Variants in PLA2G5 observed in about 807,000 individuals in gnomAD.
The protein encoded by PLA2G5 is phospholipase A2 group V.
PLA2G5 carries 12 observed loss-of-function variants against 15.9 expected under a neutral mutation model. The ratio of observed to expected loss-of-function variants is 0.76; its 90% CI spans 0.48 to 1.23. The LOEUF is 1.23. PLA2G5 is among the 50% of genes most tolerant of loss of function. The probability of loss-of-function intolerance (pLI) is 0.00; values close to 1 mark genes in which losing one functional copy is unlikely to be tolerated. For missense variants in PLA2G5, 169 were observed against 177.1 expected (o/e 0.95, Z 0.26); for synonymous variants, 71 against 71.4 (o/e 0.99, Z 0.03).
intron 1 of PLA2G5, among the ~76,000 whole-genome samples, chr1:20,044,696 T>G (rs571580583): frequency 1.1e-3 from 175 of 152,178 alleles, no homozygotes; most frequent in Admixed American, 2.6e-3. Context: ...GGAATGAAAC[T>G]GTAAGCCAGA....
chr1:20,062,750 T>C (rs540468512), intron 2 of PLA2G5, among the ~76,000 whole-genome samples: 1 of 152,294 alleles, frequency 6.6e-6, no homozygotes, highest in East Asian at 1.9e-4. Context: ...AGGGGCGCTG[T>C]CAATGTGTGT....
intron 1 of PLA2G5, 104 bp from the exon 2 acceptor site, chr1:20,084,717 G>T: frequency 1.3e-6 from 1 of 778,380 alleles, no homozygotes; most frequent in Admixed American, 1.9e-5. Flanking sequence ...CACCATGACG[G>T]GGAGTGGAAT....
upstream of PLA2G5, among the ~76,000 whole-genome samples, chr1:20,068,013 G>A (rs978763973): frequency 1.3e-5 from 2 of 152,092 alleles, no homozygotes; most frequent in African/African-American, 2.4e-5. Context: ...CAGCTTCTCC[G>A]GAGGCTAAGG....
chr1:20,081,665 T>A (rs1185527724), intron 1 of PLA2G5, among the ~76,000 whole-genome samples: 5 of 151,654 alleles, frequency 3.3e-5, no homozygotes, highest in Non-Finnish European at 7.4e-5. Flanking sequence ...AAACCTTGGC[T>A]TGGAGTGTGA....
chr1:20,039,632 A>G (rs1363119923), intron 1 of PLA2G5, among the ~76,000 whole-genome samples: 1 of 152,190 alleles, frequency 6.6e-6, no homozygotes, highest in Non-Finnish European at 1.5e-5. Flanking sequence ...AACATTTCCT[A>G]TAAATAGGAA....
chr1:20,052,617 C>A (rs2014228310), intron 1 of PLA2G5, among the ~76,000 whole-genome samples: 1 of 152,158 alleles, frequency 6.6e-6, no homozygotes. Flanking sequence ...TAACTTCGGA[C>A]CTACTCATCC....
chr1:20,087,532 GT>G (rs567461307), intron 3 of PLA2G5, among the ~76,000 whole-genome samples: 26 of 126,244 alleles, frequency 2.1e-4, no homozygotes, highest in Non-Finnish European at 2.4e-4. Flanking sequence ...TAGCATATAC[GT>G]TTTTTTTTTA....
At chr1:20,068,920 T>A (rs1462888188), upstream of PLA2G5, 2 of 1,288,770 alleles carry the variant, frequency 1.6e-6, no homozygotes, top group East Asian at 1.1e-4. Context: ...TACGTCCTTC[T>A]CCAACACAGC....
chr1:20,050,916 G>A (rs2014148850), intron 1 of PLA2G5, among the ~76,000 whole-genome samples: 1 of 151,962 alleles, frequency 6.6e-6, no homozygotes, highest in South Asian at 2.1e-4. Context: ...TTGCTTATTT[G>A]TATAAAAATT....
At chr1:20,080,118 A>G (rs2015925631) in intron 1 of PLA2G5, among the ~76,000 whole-genome samples, 1 of 152,010 alleles carries the variant, frequency 6.6e-6, no homozygotes. Flanking sequence ...AAATCTGAGC[A>G]GGAGCCCACG....
chr1:20,050,806 T>G (rs2014144120), intron 1 of PLA2G5, among the ~76,000 whole-genome samples: 1 of 152,164 alleles, frequency 6.6e-6, no homozygotes, highest in African/African-American at 2.4e-5. Context: ...GCTTTGATAT[T>G]TTACAAACTT....
intron 1 of PLA2G5, among the ~76,000 whole-genome samples, chr1:20,050,086 A>C (rs182655904): frequency 5.9e-5 from 9 of 152,290 alleles, no homozygotes; most frequent in Admixed American, 5.2e-4. Context: ...AACAATTCCT[A>C]TGTATTATTA....
In PLA2G5 at chr1:20,091,090, T is replaced by C. The variant is rs2016545518; in HGVS notation, c.*398T>C. 1 of 165,604 alleles carries C rather than the reference T, an allele frequency of 6.0e-6. No individual in the cohort carries two copies. Among genetic ancestry groups the C allele is most frequent in the African/African-American group, 2.4e-5 (1 of 41,866 alleles). The allele number at this position is 165,604 out of a possible 1,614,324, so 10.3% of individuals were successfully genotyped here. A position where few individuals can be genotyped will look rare whatever the true frequency, so the allele number is the denominator to read the frequency against. ...TCACCACCACCCTCCAGAGAATTTT[T>C]ACGCAAGAAGAGCCAAATTGACTCT... On this transcript the variant is annotated 3_prime_UTR_variant, in exon 5 of 5. Coordinates refer to ENST00000375108, the MANE Select transcript of PLA2G5 (RefSeq NM_000929.3).
chr1:20,029,552 T>TGGGAAATGCAACATTTGGGC (rs1479626138), intron 1 of PLA2G5, among the ~76,000 whole-genome samples: 3 of 152,134 alleles, frequency 2.0e-5, no homozygotes, highest in Non-Finnish European at 4.4e-5. Context: ...AGGGTGGTCT[T>TGGGAAATGCAACATTTGGGC]GGGAAATGCA....
Position 20,090,610 on chromosome 1 carries a change from G to C in PLA2G5, c.335G>C (p.Arg112Pro). The C allele has an allele frequency of 6.2e-7, 1 of 1,613,912 alleles. No homozygotes were observed. The highest frequency in any genetic ancestry group is 2.2e-5 in the East Asian group (1 of 44,876). The change falls in exon 5 of 5, where the codon CGG (arginine) becomes CCG (proline). Residue 112 changes from arginine (R) to proline (P), a missense_variant. Coordinates refer to ENST00000375108, the MANE Select transcript of PLA2G5 (RefSeq NM_000929.3). ...FCHVNLCACD[R>P]KLVYCLKRNL... ...CATGTGAACCTCTGTGCCTGTGACC[G>C]GAAGCTCGTCTACTGCCTCAAGAGA...
At chr1:20,029,265 G>T (rs565519494) in intron 1 of PLA2G5, among the ~76,000 whole-genome samples, 1 of 152,246 alleles carries the variant, frequency 6.6e-6, no homozygotes, top group East Asian at 1.9e-4. Context: ...ATGTAGTTCT[G>T]CTGTTTTGGT....
At chr1:20,030,197 C>G (rs1370745814) in intron 1 of PLA2G5, among the ~76,000 whole-genome samples, 1 of 151,578 alleles carries the variant, frequency 6.6e-6, no homozygotes, top group African/African-American at 2.4e-5. Flanking sequence ...TGAGTTCCCT[C>G]AGTATTTATT....
upstream of PLA2G5, chr1:20,069,095 C>A: frequency 2.2e-6 from 1 of 462,434 alleles, no homozygotes; most frequent in Non-Finnish European, 4.3e-6. Flanking sequence ...CAATGATACG[C>A]AATTTTATAC....
intron 1 of PLA2G5, among the ~76,000 whole-genome samples, chr1:20,074,760 C>T (rs2015578465): frequency 6.6e-6 from 1 of 152,256 alleles, no homozygotes; most frequent in East Asian, 1.9e-4. Context: ...GAGCCAAAAT[C>T]TGACTGCTTA....
Sources: gnomAD v4.1 joint callset for allele counts (sites outside exome capture counted in the v4.1 genomes callset) on GRCh38, gnomAD v4.1.1 for gene constraint, MANE v1.5 for transcripts, NCBI Gene and HGNC (gene_info 2026-07-23, HGNC 2026-07-21) for gene names.